The following INSL6 variants were observed in gnomAD, a reference collection of about 807,000 sequenced individuals.
INSL6 encodes insulin-like peptide INSL6.
INSL6 carries 16 observed loss-of-function variants against 9.4 expected under a neutral mutation model. The observed-to-expected ratio is 1.70, with a 90% confidence interval of 1.15 to 2.59. INSL6 has a LOEUF of 2.59. Ranked by LOEUF, INSL6 falls within the 30% of genes most tolerant of loss-of-function variation. INSL6 has a pLI of 0.00. For missense variants in INSL6, 391 were observed against 257.3 expected, an observed-to-expected ratio of 1.52 and a Z score of -3.56; for synonymous variants, 154 against 96.9, an observed-to-expected ratio of 1.59 and a Z score of -3.46.
At chr9:5,138,086 A>G (rs903785637) in intron 2 of INSL6, among the ~76,000 whole-genome samples, 1 of 152,154 alleles carries the variant, frequency 6.6e-6, no homozygotes, top group East Asian at 1.9e-4. Context: ...GAAACAACAG[A>G]TGCTGGAGAG....
At chr9:5,127,197 T>G (rs934128322) in intron 3 of INSL6, 2 of 234,860 alleles carry the variant, frequency 8.5e-6, no homozygotes, top group African/African-American at 4.4e-5. Flanking sequence ...CCTTGGCATC[T>G]TGTGTGATGT....
chr9:5,165,544 A>T (rs1007673231), intron 1 of INSL6, among the ~76,000 whole-genome samples: 1 of 152,082 alleles, frequency 6.6e-6, no homozygotes, highest in Non-Finnish European at 1.5e-5. Flanking sequence ...ATTTTTTCAT[A>T]TGCTTATTAT....
the INSL6 span, chr9:5,082,004 G>A: frequency 1.4e-6 from 1 of 692,234 alleles, no homozygotes; most frequent in Non-Finnish European, 2.4e-6. Context: ...TTGGAGAAAT[G>A]CTGTGTTAAA....
chr9:5,100,283 A>C, the INSL6 span: 3 of 152,192 alleles, frequency 2.0e-5, no homozygotes. Flanking sequence ...CCAGCCCCTG[A>C]CCACTAACAG....
chr9:5,066,858 T>A, the INSL6 span: 1 of 637,250 alleles, frequency 1.6e-6, no homozygotes, highest in Non-Finnish European at 2.5e-6. Flanking sequence ...CATATTTATT[T>A]ACCATATTTC....
the INSL6 span, among the ~76,000 whole-genome samples, chr9:5,006,684 C>T: frequency 6.6e-6 from 1 of 152,196 alleles, no homozygotes; most frequent in South Asian, 2.1e-4. Flanking sequence ...AACCAGATCT[C>T]ATGCAAACTC....
the INSL6 span, chr9:5,085,207 T>G: frequency 1.5e-6 from 1 of 664,072 alleles, no homozygotes. Flanking sequence ...AGCATTCATT[T>G]CTGGGAACTG....
the INSL6 span, among the ~76,000 whole-genome samples, chr9:5,024,200 G>C: frequency 6.6e-6 from 1 of 152,152 alleles, no homozygotes. Flanking sequence ...AGCTTGCAGT[G>C]AGCCGAGATT....
the INSL6 span, among the ~76,000 whole-genome samples, chr9:5,092,838 T>C: frequency 6.6e-6 from 1 of 152,160 alleles, no homozygotes; most frequent in Non-Finnish European, 1.5e-5. Context: ...AGTTCAGCTT[T>C]AAACTTACCC....
At chr9:5,079,826 A>C in the INSL6 span, among the ~76,000 whole-genome samples, 2 of 152,080 alleles carry the variant, frequency 1.3e-5, no homozygotes, top group South Asian at 4.1e-4. Context: ...CTCAAAAAAA[A>C]AATTTTTTTT....
the INSL6 span, chr9:5,110,246 C>T: frequency 6.6e-6 from 1 of 152,196 alleles, no homozygotes; most frequent in Non-Finnish European, 1.5e-5. Context: ...TCCTGCTCAT[C>T]CGCTTCTACC....
chr9:5,099,583 C>T, the INSL6 span: 15 of 152,206 alleles, frequency 9.9e-5, no homozygotes, highest in Non-Finnish European at 1.9e-4. Context: ...CTATTCATCT[C>T]TTTTGCTACC....
chr9:5,180,042 T>C (rs1014740743), intron 1 of INSL6, among the ~76,000 whole-genome samples: 2 of 152,180 alleles, frequency 1.3e-5, no homozygotes, highest in African/African-American at 2.4e-5. Context: ...TTCAAATTAG[T>C]GTATATATTC....
At chr9:5,137,287 C>A (rs1248385188) in intron 2 of INSL6, among the ~76,000 whole-genome samples, 2 of 151,984 alleles carry the variant, frequency 1.3e-5, no homozygotes, top group Admixed American at 6.6e-5. Flanking sequence ...TCATATGGAA[C>A]CAAAAAAAAG....
At chr9:5,002,197 C>T in the INSL6 span, among the ~76,000 whole-genome samples, 20 of 151,430 alleles carry the variant, frequency 1.3e-4, no homozygotes, top group Admixed American at 1.3e-3. Context: ...TCTTTCTTCA[C>T]TCTCTGGTTT....
At chr9:5,137,258 A>G (rs1824403275) in intron 2 of INSL6, among the ~76,000 whole-genome samples, 1 of 152,092 alleles carries the variant, frequency 6.6e-6, no homozygotes, top group Non-Finnish European at 1.5e-5. Context: ...ACAGAACTGG[A>G]AAAAAACTAC....
At chr9:5,045,892 TCAATATA>T in the INSL6 span, among the ~76,000 whole-genome samples, 1 of 152,212 alleles carries the variant, frequency 6.6e-6, no homozygotes, top group Non-Finnish European at 1.5e-5. Context: ...TCAGTTCTTT[TCAATATA>T]TACCCAGAAA....
At chr9:5,014,641 G>C in the INSL6 span, among the ~76,000 whole-genome samples, 1 of 152,106 alleles carries the variant, frequency 6.6e-6, no homozygotes, top group Non-Finnish European at 1.5e-5. Flanking sequence ...GGGTTACATA[G>C]GTATATGCAG....
the INSL6 span, among the ~76,000 whole-genome samples, chr9:5,074,478 A>G: frequency 2.8e-4 from 42 of 152,194 alleles, no homozygotes; most frequent in East Asian, 7.7e-3. Flanking sequence ...AAAAAATCAT[A>G]TGGTGATCTG....
Sources: gnomAD v4.1 joint callset for allele counts (sites outside exome capture counted in the v4.1 genomes callset) on GRCh38, gnomAD v4.1.1 for gene constraint, MANE v1.5 for transcripts, NCBI Gene and HGNC (gene_info 2026-07-23, HGNC 2026-07-21) for gene names.